Variants in TTC34 observed in about 807,000 individuals in gnomAD.
TTC34 encodes the protein tetratricopeptide repeat domain 34, also known as tetratricopeptide repeat protein 34.
In TTC34, 44 loss-of-function variants were observed where a neutral mutation model predicts 40.7. The ratio of observed to expected loss-of-function variants is 1.08; its 90% confidence interval spans 0.85 to 1.39. TTC34 has a LOEUF of 1.39. TTC34 is among the 40% of genes most tolerant of loss of function. The pLI, the probability that TTC34 is intolerant of heterozygous loss-of-function variation, is 0.00. For synonymous variants in TTC34, 422 were observed against 398.6 expected (o/e 1.06, Z -0.70); for missense variants, 884 against 838.0 (o/e 1.05, Z -0.68).
At position 2,748,578 on chromosome 1, in the gene TTC34, A is replaced by C. The variant is rs1641221083; in HGVS notation, c.2226+35031T>G. ...AACCACACCACCATGCGAGCATCTG[A>C]CAGCCTGGAGCAGCACCCACACCCC... is the stretch of plus-strand genomic sequence containing the variant. On this transcript the variant is annotated intron_variant, in intron 6 of 8. Transcript: ENST00000401095. Among the ~76,000 whole-genome samples, 2 of 150,370 alleles carry C rather than the reference A, an allele frequency of 1.3e-5. 1 individual carries two copies. Among genetic ancestry groups the C allele is most frequent in the Admixed American group, 1.3e-4 (2 of 15,144 alleles).
chr1:2,798,611 C>G (rs556631955), intron 2 of TTC34, among the ~76,000 whole-genome samples: 31 of 118,128 alleles, frequency 2.6e-4, no homozygotes, highest in African/African-American at 9.7e-4. Context: ...CCCAGCCTCT[C>G]AGCCTCTTAG....
At chr1:2,677,257 T>C (rs1323897660) in intron 6 of TTC34, among the ~76,000 whole-genome samples, 1 of 40,368 alleles carries the variant, frequency 2.5e-5, no homozygotes, top group Admixed American at 2.6e-4. Flanking sequence ...CACCCCCAGG[T>C]GAGCATCTGA....
At chr1:2,750,263 A>T (rs1335316396) in intron 6 of TTC34, among the ~76,000 whole-genome samples, 2 of 120,408 alleles carry the variant, frequency 1.7e-5, no homozygotes, top group East Asian at 2.7e-4. Flanking sequence ...GGCATCTGAC[A>T]GCCTGGAAAA....
intron 6 of TTC34, among the ~76,000 whole-genome samples, chr1:2,760,039 CACACCCA>C (rs2100459434): frequency 1.0e-5 from 1 of 98,390 alleles, no homozygotes; most frequent in African/African-American, 5.1e-5. Context: ...GCAGCGCCCA[CACACCCA>C]AGTGAGCATC....
intron 6 of TTC34, among the ~76,000 whole-genome samples, chr1:2,759,602 C>G (rs1198631391): frequency 1.3e-5 from 2 of 151,030 alleles, no homozygotes; most frequent in African/African-American, 2.5e-5. Flanking sequence ...CCCACACCGC[C>G]AGGCGAGCAT....
At chr1:2,755,786 C>G (rs1641484961) in intron 6 of TTC34, among the ~76,000 whole-genome samples, 1 of 125,238 alleles carries the variant, frequency 8.0e-6, no homozygotes, top group Non-Finnish European at 1.7e-5. Flanking sequence ...ACCCACACCC[C>G]CAGGTGAGCA....
At chr1:2,774,053 A>T (rs1286094612) in intron 6 of TTC34, 3 of 149,450 alleles carry the variant, frequency 2.0e-5, no homozygotes. Context: ...ATGGAACAAG[A>T]CTACTGCCCC....
intron 6 of TTC34, among the ~76,000 whole-genome samples, chr1:2,686,289 G>C: frequency 6.6e-6 from 1 of 152,012 alleles, no homozygotes; most frequent in East Asian, 1.9e-4. Flanking sequence ...ACCCCCAGGC[G>C]AGCATCTGAA....
At chr1:2,772,947 A>T in intron 6 of TTC34, among the ~76,000 whole-genome samples, 1 of 132,316 alleles carries the variant, frequency 7.6e-6, no homozygotes, top group South Asian at 2.5e-4. Flanking sequence ...CCCCCAGGCG[A>T]GCATCTGACA....
intron 6 of TTC34, among the ~76,000 whole-genome samples, chr1:2,691,534 A>C (rs1456318440): frequency 3.0e-3 from 200 of 66,258 alleles, no homozygotes; most frequent in Middle Eastern, 0.032. Context: ...TCTGGAACAG[A>C]ACCCACACCC....
chr1:2,800,059 C>T (rs897628), exon 2 of TTC34: 144,485 of 398,152 alleles, frequency 0.36, 27,395 homozygotes, highest in East Asian at 0.52. Context: ...GGTTCGCTGC[C>T]GGTGGGATGG....
At chr1:2,694,121 A>T (rs1257156793) in intron 6 of TTC34, among the ~76,000 whole-genome samples, 7 of 140,038 alleles carry the variant, frequency 5.0e-5, no homozygotes, top group African/African-American at 1.1e-4. Flanking sequence ...CCAGGTGCGC[A>T]CGTGACAGCC....
chr1:2,637,714 C>T (rs951855054), exon 9 of TTC34: 1 of 152,056 alleles, frequency 6.6e-6, no homozygotes, highest in East Asian at 1.9e-4. Flanking sequence ...GAAGGAACCA[C>T]ACGTTCAGGT....
chr1:2,687,327 C>A (rs1348442440), intron 6 of TTC34, among the ~76,000 whole-genome samples: 4 of 145,542 alleles, frequency 2.7e-5, no homozygotes, highest in East Asian at 2.0e-4. Context: ...ACCCCAAACC[C>A]ACAGGTGAGC....
At chr1:2,759,533 C>G (rs1641622292) in intron 6 of TTC34, among the ~76,000 whole-genome samples, 6 of 149,796 alleles carry the variant, frequency 4.0e-5, no homozygotes, top group Non-Finnish European at 7.4e-5. Context: ...AGATGAGCAT[C>G]TGACAGCCTG....
At chr1:2,785,845 T>A (rs1425840372) in exon 5 of TTC34, 2 of 1,544,464 alleles carry the variant, frequency 1.3e-6, no homozygotes, top group South Asian at 1.2e-5. Context: ...CAGAGACAGG[T>A]AGGCGATGGC....
chr1:2,789,304 G>A (rs1004335693), intron 3 of TTC34, among the ~76,000 whole-genome samples, 199 bp downstream of exon 3: 19 of 152,364 alleles, frequency 1.2e-4, no homozygotes, highest in African/African-American at 4.6e-4. Context: ...GGAAGGAAAT[G>A]TGAGCCGCGG....
At chr1:2,754,815 A>T (rs1380138790) in intron 6 of TTC34, among the ~76,000 whole-genome samples, 8 of 149,158 alleles carry the variant, frequency 5.4e-5, no homozygotes, top group Non-Finnish European at 7.5e-5. Context: ...AACAGAAACC[A>T]CACCCCCAGG....
At chr1:2,778,099 C>G (rs1258637578) in intron 6 of TTC34, among the ~76,000 whole-genome samples, 1 of 152,212 alleles carries the variant, frequency 6.6e-6, no homozygotes, top group Admixed American at 6.5e-5. Context: ...CAGTGGGAAA[C>G]TTGGGGGAAA....
Sources: allele counts gnomAD v4.1 joint callset (sites outside exome capture counted in the v4.1 genomes callset), GRCh38; gene constraint gnomAD v4.1.1; transcripts MANE v1.5; gene names NCBI Gene and HGNC (gene_info 2026-07-23, HGNC 2026-07-21).